The following ZSWIM4 variants were observed in gnomAD, a reference collection of about 807,000 sequenced individuals.
ZSWIM4 encodes zinc finger SWIM domain-containing protein 4.
Under a neutral mutation model 102.5 loss-of-function variants are expected in ZSWIM4, and 62 were observed. The ratio of observed to expected loss-of-function variants is 0.60; its 90% CI spans 0.49 to 0.75. The LOEUF is 0.75. ZSWIM4 is among the 30% of genes least tolerant of loss of function. The pLI, the probability that ZSWIM4 is intolerant of heterozygous loss-of-function variation, is 0.00. For synonymous variants in ZSWIM4, 652 were observed against 674.5 expected (o/e 0.97, Z 0.52); for missense variants, 1,280 against 1,529.6 (o/e 0.84, Z 2.72).
chr19:13,795,832 G>T, intron 1 of ZSWIM4, 31 bp downstream of exon 1: 1 of 1,213,772 alleles, frequency 8.2e-7, no homozygotes, highest in Non-Finnish European at 1.0e-6. Context: ...CGGGGGCAGG[G>T]ACGCACCCCC....
chr19:13,800,416 C>T (rs1974737605), intron 2 of ZSWIM4, among the ~76,000 whole-genome samples: 1 of 151,982 alleles, frequency 6.6e-6, no homozygotes, highest in Non-Finnish European at 1.5e-5. Context: ...CAGGCGCCCG[C>T]CACCAAGCCC....
intron 10 of ZSWIM4, among the ~76,000 whole-genome samples, chr19:13,821,418 T>C (rs112630437): frequency 2.8e-4 from 42 of 152,202 alleles, no homozygotes; most frequent in African/African-American, 9.9e-4. Context: ...TCTATGGTCC[T>C]AGCTACTTGG....
At chr19:13,819,304 G>A (rs963789525) in intron 9 of ZSWIM4, 53 bp from the exon 10 acceptor site, 6 of 1,605,052 alleles carry the variant, frequency 3.7e-6, no homozygotes, top group Non-Finnish European at 5.1e-6. Context: ...GAGACCTGGG[G>A]AAGGGCAGAG....
chr19:13,808,865 A>G lies in ZSWIM4; in HGVS notation c.742A>G (p.Ile248Val). 1.2e-6 allele frequency: 2 copies of G among 1,611,200 alleles called. No individual in the cohort carries two copies. ...GAPDPTAGAG[I>V]EDANCWHLDE... Reference sequence around the variant, plus strand: ...CCCAGACCCCACCGCCGGCGCAGGAATCGAGGACGCCAACTGCTGGCACCT... The same window carrying G: ...CCCAGACCCCACCGCCGGCGCAGGAGTCGAGGACGCCAACTGCTGGCACCT... The change falls in exon 4 of 14, where the codon ATC (isoleucine) becomes GTC (valine). Residue 248 changes from isoleucine to valine, a missense_variant. Physicochemically the swap from Ile to Val is conservative, Grantham distance 29. Transcript: ENST00000590508.
At chr19:13,818,125 G>A in intron 9 of ZSWIM4, 149 bp downstream of exon 9, 1 of 1,335,960 alleles carries the variant, frequency 7.5e-7, no homozygotes, top group Non-Finnish European at 9.7e-7. Context: ...TCATACCTTG[G>A]CAGTTTCTAA....
chr19:13,803,709 G>A (rs1974834562), intron 2 of ZSWIM4, among the ~76,000 whole-genome samples: 1 of 149,650 alleles, frequency 6.7e-6, no homozygotes, highest in South Asian at 2.2e-4. Flanking sequence ...GGAAGCTGAG[G>A]TAGGAGAATC....
intron 13 of ZSWIM4, among the ~76,000 whole-genome samples, chr19:13,829,216 G>A (rs1195994552): frequency 6.6e-6 from 1 of 152,044 alleles, no homozygotes; most frequent in Non-Finnish European, 1.5e-5. Flanking sequence ...AGGAGATTGA[G>A]GTTGCAGTGA....
chr19:13,817,880 C>T lies in ZSWIM4; in HGVS notation c.1828C>T (p.Arg610Cys). 2 of 1,551,894 alleles carry T rather than the reference C, an allele frequency of 1.3e-6. No homozygotes were observed. The highest frequency in any genetic ancestry group is 1.9e-4 in the Middle Eastern group (1 of 5,368). Residue 610 changes from arginine (R) to cysteine (C), a missense_variant, in exon 9 of 14, where the codon CGC becomes TGC. Transcript: ENST00000590508. ...GCTGTACGCCCAGGACAAGGTGGTG[C>T]GCAACGAGGAGCAGCTGCTGGCCCT... ...EGLYAQDKVV[R>C]NEEQLLALLE... is the part of the protein sequence containing the mutation.
At position 13,828,963 on chromosome 19, in the gene ZSWIM4, G is replaced by T. The variant is rs180997843; in HGVS notation, c.2461+237G>T. Among the ~76,000 whole-genome samples the T allele has an allele frequency of 2.7e-3, 410 of 152,206 alleles. 1 individual carries two copies. Among genetic ancestry groups the T allele is most frequent in the African/African-American group, 9.2e-3 (380 of 41,514 alleles). Reference sequence around the variant, plus strand: ...AAAAAATTAAAAATTAGCTGGGCGTGGTGGCAAGTGCCTGTAGTTCCAGCT... The same window carrying T: ...AAAAAATTAAAAATTAGCTGGGCGTTGTGGCAAGTGCCTGTAGTTCCAGCT... On this transcript the variant is annotated intron_variant, in intron 13 of 13. Transcript: ENST00000590508.
chr19:13,826,906 G>C (rs12978067), intron 12 of ZSWIM4, among the ~76,000 whole-genome samples: 70,972 of 151,850 alleles, frequency 0.47, 20,631 homozygotes, highest in African/African-American at 0.84. Context: ...GGGTGTGAGT[G>C]CCATGGGACC....
rs777245902 is a variant in ZSWIM4 at position 13,830,834 on chromosome 19, G to T, written c.3105G>T (p.Ala1035=). 4 of 1,609,916 alleles carry T rather than the reference G, an allele frequency of 2.5e-6. No individual in the cohort carries two copies. The East Asian group carries it at 8.9e-5, about 36-fold the overall frequency. Residue 1035 remains alanine, a synonymous_variant, in exon 14 of 14, where the codon GCG becomes GCT. Coordinates refer to ENST00000590508, the MANE Select transcript of ZSWIM4 (RefSeq NM_001367834.3). ...DRAPLCQLLD[A]AVTAYITTSH... Reference sequence around the variant, plus strand: ...CGCCGCTCTGCCAGCTCCTGGACGCGGCAGTCACCGCCTACATCACCACCA... The same window carrying T: ...CGCCGCTCTGCCAGCTCCTGGACGCTGCAGTCACCGCCTACATCACCACCA...
rs755713293 is a variant in ZSWIM4 at position 13,804,938 on chromosome 19, G to A, written c.502G>A (p.Val168Met). The A allele has an allele frequency of 2.5e-6, 4 of 1,613,446 alleles. No individual in the cohort carries two copies. The highest frequency in any genetic ancestry group is 2.2e-5 in the East Asian group (1 of 44,884). Residue 168 changes from valine (V) to methionine (M), a missense_variant, in exon 3 of 14, where the codon GTG becomes ATG. Transcript: ENST00000590508. ...DNRDLFYCAH[V>M]VALSLYRIRH... ...CCGCGACCTCTTCTACTGTGCCCAC[G>A]TGGTGGCCCTGTCCCTGTACCGCAT...
At chr19:13,819,279 A>AG in intron 9 of ZSWIM4, 78 bp from the exon 10 acceptor site, 1 of 1,572,760 alleles carries the variant, frequency 6.4e-7, no homozygotes, top group African/African-American at 1.3e-5. Flanking sequence ...CTCTACTTAA[A>AG]GCCTGGGGTC....
At chr19:13,815,168 T>G (rs1423082812) in intron 7 of ZSWIM4, 3 of 154,720 alleles carry the variant, frequency 1.9e-5, no homozygotes, top group Non-Finnish European at 4.3e-5. Context: ...TCTCTTTTTT[T>G]TTTTGAGACA....
In ZSWIM4 at chr19:13,830,665, T is replaced by G. The variant is rs529730429; in HGVS notation, c.2936T>G (p.Leu979Arg). Residue 979 changes from leucine (L) to arginine (R), a missense_variant, in exon 14 of 14, where the codon CTC (leucine) becomes CGC (arginine). Transcript: ENST00000590508. The stretch of plus-strand genomic sequence containing the variant: ...AGCCACTCCCTGGGCCGGCACGAGC[T>G]CTCTGCCATCGTCCCCCTCATCATT... ...SLSHSLGRHE[L>R]SAIVPLIIRS... is the part of the protein sequence containing the mutation. 6.2e-7 allele frequency: 1 copy of G among 1,603,732 alleles called. No homozygotes were observed.
chr19:13,803,580 GACTACACTAGGTCAGGAGTTC>G, intron 2 of ZSWIM4, among the ~76,000 whole-genome samples: 1 of 50,726 alleles, frequency 2.0e-5, no homozygotes, highest in African/African-American at 3.4e-4. Context: ...AGGAGTTCAA[GACTACACTAGGTCAGGAGTTC>G]AAGACTAGCC....
Position 13,799,925 on chromosome 19 carries a change from A to C in ZSWIM4, c.355+4A>C. ...GTGGACCGCGTGTTGCAAGTGGGTG[A>C]GTCTTTGTCCCCCACTCCTGCTGGG... On this transcript the variant is annotated splice_donor_region_variant and intron_variant, in intron 2 of 13. Coordinates refer to ENST00000590508, the MANE Select transcript of ZSWIM4 (RefSeq NM_001367834.3). 6.2e-7 allele frequency: 1 copy of C among 1,608,078 alleles called. No homozygotes were observed.
At chr19:13,818,683 C>T (rs1457915328) in intron 9 of ZSWIM4, among the ~76,000 whole-genome samples, 3 of 152,046 alleles carry the variant, frequency 2.0e-5, no homozygotes, top group African/African-American at 7.2e-5. Flanking sequence ...TCTGCCTCAG[C>T]CTCCCGAGTA....
Position 13,831,253 on chromosome 19 carries a change from C to T in ZSWIM4, c.*203C>T. ...GTGTGCAAGACTCCAGAAGCAGAAG[C>T]CATACTGCCACCCAGAAGCCTGGAA... On this transcript the variant is annotated 3_prime_UTR_variant, in exon 14 of 14. Coordinates refer to ENST00000590508, the MANE Select transcript of ZSWIM4 (RefSeq NM_001367834.3). The T allele has an allele frequency of 4.7e-6, 3 of 637,142 alleles. No homozygotes were observed. Among genetic ancestry groups the T allele is most frequent in the Non-Finnish European group, 7.6e-6 (3 of 394,926 alleles). The allele number at this position is 637,142 out of a possible 1,614,324, so 39.5% of individuals were successfully genotyped here.
Sources: allele counts gnomAD v4.1 joint callset (sites outside exome capture counted in the v4.1 genomes callset), GRCh38; gene constraint gnomAD v4.1.1; transcripts MANE v1.5; gene names NCBI Gene and HGNC (gene_info 2026-07-23, HGNC 2026-07-21).